The following WWOX variants were observed in gnomAD, a reference collection of about 807,000 sequenced individuals.
The protein encoded by WWOX is WW domain-containing oxidoreductase.
In WWOX, 69 loss-of-function variants were observed where a neutral mutation model predicts 46.2. The ratio of observed to expected loss-of-function variants is 1.49; its 90% CI spans 1.23 to 1.82. The LOEUF (loss-of-function observed/expected upper bound fraction) is 1.82, where lower values mean the gene tolerates loss of function less well. WWOX is among the 40% of genes most tolerant of loss of function. The probability of loss-of-function intolerance (pLI) is 0.00; values close to 1 mark genes in which losing one functional copy is unlikely to be tolerated. For synonymous variants in WWOX, 359 were observed against 202.6 expected (o/e 1.77, Z -6.56); for missense variants, 919 against 542.6 (o/e 1.69, Z -6.89).
chr16:78,658,133 C>T (rs552580074), intron 8 of WWOX, among the ~76,000 whole-genome samples: 1 of 152,068 alleles, frequency 6.6e-6, no homozygotes, highest in Non-Finnish European at 1.5e-5. Flanking sequence ...TCTTCTATTT[C>T]CTCAAGTCTC....
At chr16:79,036,018 C>T (rs570485603) in intron 8 of WWOX, among the ~76,000 whole-genome samples, 1 of 152,198 alleles carries the variant, frequency 6.6e-6, no homozygotes, top group African/African-American at 2.4e-5. Flanking sequence ...TTCCGTTCCT[C>T]CTTCCAGCAT....
chr16:79,056,641 C>A (rs1458515767), intron 8 of WWOX, among the ~76,000 whole-genome samples: 1 of 152,162 alleles, frequency 6.6e-6, no homozygotes, highest in Non-Finnish European at 1.5e-5. Flanking sequence ...CATCCCTTCC[C>A]CCTCTTGTCA....
chr16:78,373,091 A>G (rs1375235334), intron 5 of WWOX, among the ~76,000 whole-genome samples: 4 of 152,092 alleles, frequency 2.6e-5, no homozygotes, highest in Non-Finnish European at 4.4e-5. Context: ...ACACTGGACA[A>G]TGCTTTTTTT....
chr16:78,793,831 G>A (rs992974741), intron 8 of WWOX, among the ~76,000 whole-genome samples: 10 of 151,880 alleles, frequency 6.6e-5, no homozygotes, highest in African/African-American at 1.9e-4. Context: ...ATCCCAGCAC[G>A]TTGGGAGGCC....
chr16:78,960,382 C>A (rs535792296), intron 8 of WWOX, among the ~76,000 whole-genome samples: 1 of 152,340 alleles, frequency 6.6e-6, no homozygotes, highest in East Asian at 1.9e-4. Context: ...TGGGCTGATA[C>A]TACCTGTCCT....
chr16:78,559,717 C>T (rs2044388618), intron 8 of WWOX, among the ~76,000 whole-genome samples: 2 of 152,168 alleles, frequency 1.3e-5, no homozygotes, highest in Admixed American at 1.3e-4. Context: ...ACATTCTTCT[C>T]ACAATAGCTT....
intron 8 of WWOX, among the ~76,000 whole-genome samples, chr16:78,743,283 A>G (rs980512470): frequency 2.0e-5 from 3 of 152,156 alleles, no homozygotes; most frequent in African/African-American, 7.2e-5. Context: ...TGTATCCCTC[A>G]GAGACCAGTA....
At chr16:78,626,152 A>G (rs916733025) in intron 8 of WWOX, among the ~76,000 whole-genome samples, 1 of 150,052 alleles carries the variant, frequency 6.7e-6, no homozygotes, top group Non-Finnish European at 1.5e-5. Context: ...TCTTTTTGAG[A>G]TGGAGTCTGG....
intron 8 of WWOX, among the ~76,000 whole-genome samples, chr16:78,782,108 C>G (rs748406445): frequency 6.6e-6 from 1 of 152,130 alleles, no homozygotes; most frequent in Non-Finnish European, 1.5e-5. Context: ...CATTTGGCAG[C>G]AAATGTAAAT....
chr16:78,109,306 G>A (rs1284160533), intron 2 of WWOX, among the ~76,000 whole-genome samples: 4 of 152,098 alleles, frequency 2.6e-5, no homozygotes, highest in Middle Eastern at 3.4e-3. Flanking sequence ...AGGCAACATA[G>A]TGAGACCCCA....
intron 5 of WWOX, among the ~76,000 whole-genome samples, chr16:78,189,920 G>T (rs946096784): frequency 6.6e-6 from 1 of 151,954 alleles, no homozygotes; most frequent in African/African-American, 2.4e-5. Context: ...CTCCCAAAGT[G>T]CTGGGATTAC....
chr16:78,105,033 T>C (rs1467101253), intron 1 of WWOX, among the ~76,000 whole-genome samples: 1 of 152,238 alleles, frequency 6.6e-6, no homozygotes, highest in African/African-American at 2.4e-5. Context: ...TTCCGGATTC[T>C]TCCCCAGGGA....
At chr16:78,942,555 C>A (rs867934571) in intron 8 of WWOX, among the ~76,000 whole-genome samples, 1 of 152,000 alleles carries the variant, frequency 6.6e-6, no homozygotes, top group African/African-American at 2.4e-5. Context: ...TAATAAAAAC[C>A]CACCAGAATA....
At chr16:78,900,255 C>T (rs1224469712) in intron 8 of WWOX, among the ~76,000 whole-genome samples, 3 of 151,964 alleles carry the variant, frequency 2.0e-5, no homozygotes, top group South Asian at 2.1e-4. Context: ...TGTTTTGTGT[C>T]AGCTCAGACA....
chr16:78,969,836 C>T (rs1023306003), intron 8 of WWOX, among the ~76,000 whole-genome samples: 2 of 152,052 alleles, frequency 1.3e-5, no homozygotes, highest in Admixed American at 1.3e-4. Context: ...TTGCCAGGGG[C>T]TGGGGATGGG....
chr16:79,008,635 A>T (rs980060254), intron 8 of WWOX, among the ~76,000 whole-genome samples: 4 of 152,278 alleles, frequency 2.6e-5, no homozygotes, highest in African/African-American at 9.6e-5. Context: ...CCATGGAAGG[A>T]CAGAGCTTGG....
intron 8 of WWOX, among the ~76,000 whole-genome samples, chr16:78,682,879 T>A (rs893845201): frequency 2.0e-5 from 3 of 152,164 alleles, no homozygotes; most frequent in Admixed American, 2.0e-4. Context: ...CTTTAGATAA[T>A]GCATTGTAGG....
At chr16:78,787,997 G>C (rs975171439) in intron 8 of WWOX, among the ~76,000 whole-genome samples, 2 of 152,194 alleles carry the variant, frequency 1.3e-5, no homozygotes, top group East Asian at 3.9e-4. Flanking sequence ...GGGTCATCTG[G>C]CTTTTGTTGT....
intron 8 of WWOX, among the ~76,000 whole-genome samples, chr16:79,087,879 G>A (rs915946701): frequency 6.6e-6 from 1 of 152,162 alleles, no homozygotes; most frequent in Non-Finnish European, 1.5e-5. Context: ...CCTCGGAAAG[G>A]ACAGGATGTG....
Sources: gnomAD v4.1 joint callset for allele counts (sites outside exome capture counted in the v4.1 genomes callset) on GRCh38, gnomAD v4.1.1 for gene constraint, MANE v1.5 for transcripts, NCBI Gene and HGNC (gene_info 2026-07-23, HGNC 2026-07-21) for gene names.